FAM135B: variants seen among roughly 807,000 people sequenced by gnomAD.
FAM135B encodes family with sequence similarity 135 member B.
FAM135B carries 43 observed loss-of-function variants against 127.7 expected under a neutral mutation model. The observed-to-expected ratio is 0.34, with a 90% CI of 0.26 to 0.43. The LOEUF is 0.43. Among genes scored for constraint, FAM135B ranks in the 20% least tolerant of loss-of-function variants. The pLI is 1.00. For missense variants in FAM135B, 1,558 were observed against 1,725.6 expected, an observed-to-expected ratio of 0.90 and a Z score of 1.72; for synonymous variants, 670 against 665.1, an observed-to-expected ratio of 1.01 and a Z score of -0.11.
At chr8:138,319,385 G>T (rs1393278193) in intron 2 of FAM135B, among the ~76,000 whole-genome samples, 1 of 152,134 alleles carries the variant, frequency 6.6e-6, no homozygotes, top group Non-Finnish European at 1.5e-5. Context: ...AGGATTACAG[G>T]CGAGAGCCAC....
intron 1 of FAM135B, chr8:138,450,573 T>C (rs911071490): frequency 1.3e-5 from 2 of 152,232 alleles, no homozygotes; most frequent in South Asian, 4.1e-4. Flanking sequence ...CATTGCTGTT[T>C]TCATTTACAT....
rs140743471 is a variant in FAM135B at position 138,458,857 on chromosome 8, T to C, written c.-20+37814A>G. ...GAAGTTACGCTGAATTCAGAGGGAG[T>C]AGCAAATGATAATTTTCCAGCAGCA... is the stretch of plus-strand genomic sequence containing the variant. On this transcript the variant is annotated intron_variant, in intron 1 of 19. Transcript: ENST00000395297. Among the ~76,000 whole-genome samples the C allele has an allele frequency of 7.7e-4, 117 of 151,972 alleles. 1 individual carries two copies. The highest frequency in any genetic ancestry group is 6.8e-3 in the Middle Eastern group (2 of 294).
At chr8:138,334,224 C>A (rs1828387953) in intron 2 of FAM135B, among the ~76,000 whole-genome samples, 1 of 152,074 alleles carries the variant, frequency 6.6e-6, no homozygotes, top group African/African-American at 2.4e-5. Context: ...TGTCCGGCCC[C>A]ATCTCTCTCT....
intron 1 of FAM135B, among the ~76,000 whole-genome samples, chr8:138,460,658 A>G (rs1419423805): frequency 1.3e-5 from 2 of 152,126 alleles, no homozygotes; most frequent in Non-Finnish European, 2.9e-5. Context: ...AGGTGACTCC[A>G]TTTTGACTAA....
chr8:138,373,172 CTT>C (rs1831252351), intron 1 of FAM135B, among the ~76,000 whole-genome samples: 1 of 152,130 alleles, frequency 6.6e-6, no homozygotes, highest in Non-Finnish European at 1.5e-5. Context: ...CACTTCATCT[CTT>C]TGAGTCCATG....
chr8:138,184,892 AC>A (rs1307255282), intron 9 of FAM135B, among the ~76,000 whole-genome samples: 1 of 152,238 alleles, frequency 6.6e-6, no homozygotes. Flanking sequence ...ATCAGAATGC[AC>A]ATTTTAACAA....
intron 1 of FAM135B, chr8:138,450,428 C>T (rs1273320782): frequency 6.6e-6 from 1 of 152,186 alleles, no homozygotes; most frequent in Admixed American, 6.5e-5. Context: ...GCCAAACTGC[C>T]TTCCACAGGG....
chr8:138,199,674 G>T (rs1488433666), intron 7 of FAM135B, among the ~76,000 whole-genome samples: 6 of 152,178 alleles, frequency 3.9e-5, no homozygotes, highest in Non-Finnish European at 8.8e-5. Context: ...CATAGCTGGG[G>T]AGGCCTCAGG....
intron 7 of FAM135B, among the ~76,000 whole-genome samples, chr8:138,222,678 G>GTTTTTTTTTTT (rs33913656): frequency 9.6e-6 from 1 of 104,052 alleles, no homozygotes; most frequent in Non-Finnish European, 1.9e-5. Context: ...TGTTGGTGGT[G>GTTTTTTTTTTT]TTTTTTTTTT....
chr8:138,475,830 C>T (rs1814397352), intron 1 of FAM135B, among the ~76,000 whole-genome samples: 1 of 152,130 alleles, frequency 6.6e-6, no homozygotes, highest in South Asian at 2.1e-4. Flanking sequence ...TAAACATACT[C>T]CTACCTTACA....
At chr8:138,250,747 T>C in intron 6 of FAM135B, 94 bp downstream of exon 6, 1 of 1,370,924 alleles carries the variant, frequency 7.3e-7, no homozygotes, top group South Asian at 1.3e-5. Context: ...CTCCCTTGCG[T>C]GTGCTGATCT....
intron 1 of FAM135B, among the ~76,000 whole-genome samples, chr8:138,485,706 C>A (rs1040969808): frequency 7.2e-5 from 11 of 152,048 alleles, no homozygotes; most frequent in African/African-American, 2.7e-4. Context: ...AATTCCACAC[C>A]ATGAAACCCA....
chr8:138,141,467 T>A lies in FAM135B; in HGVS notation c.3639-118A>T. Reference sequence around the variant, plus strand: ...CACCTCCCACTGAATGTAGGGGAACTGGCAAAGAGAACAGGGACTGCCAAC... The same window carrying A: ...CACCTCCCACTGAATGTAGGGGAACAGGCAAAGAGAACAGGGACTGCCAAC... On this transcript the variant is annotated intron_variant, in intron 16 of 19. Transcript: ENST00000395297. The surrounding 1 kb of genome is among the most constrained non-coding windows in gnomAD (Gnocchi z 4.7). 1 of 1,052,756 alleles carries A rather than the reference T, an allele frequency of 9.5e-7. No individual in the cohort carries two copies. The highest frequency in any genetic ancestry group is 1.4e-6 in the Non-Finnish European group (1 of 701,284). The allele number at this position is 1,052,756 out of a possible 1,614,324, so 65.2% of individuals were successfully genotyped here.
intron 2 of FAM135B, among the ~76,000 whole-genome samples, chr8:138,347,440 G>A (rs925473894): frequency 3.9e-5 from 6 of 152,134 alleles, no homozygotes; most frequent in Admixed American, 1.3e-4. Flanking sequence ...CTATGACACT[G>A]AGGCTTAAAA....
chr8:138,130,455 T>C lies in FAM135B; in HGVS notation c.*2138A>G, dbSNP rs2130458049. On this transcript the variant is annotated 3_prime_UTR_variant, in exon 20 of 20. Transcript: ENST00000395297. ...TTTATTGCCATTAGTTCTCACTATG[T>C]CCAGACAGCATATTGAAGTTAAAAA... is the stretch of plus-strand genomic sequence containing the variant. 1 of 152,224 alleles carries C rather than the reference T, an allele frequency of 6.6e-6. No individual in the cohort carries two copies. The highest frequency in any genetic ancestry group is 3.4e-3 in the Middle Eastern group (1 of 294). The allele number at this position is 152,224 out of a possible 1,614,324, so 9.4% of individuals were successfully genotyped here. A position where few individuals can be genotyped will look rare whatever the true frequency, so the allele number is the denominator to read the frequency against.
intron 3 of FAM135B, among the ~76,000 whole-genome samples, chr8:138,273,138 C>T (rs894314688): frequency 1.3e-5 from 2 of 152,132 alleles, no homozygotes; most frequent in Non-Finnish European, 2.9e-5. Context: ...ACAAATTATC[C>T]AGCATAGAAT....
chr8:138,154,822 G>A (rs7831290), intron 12 of FAM135B, among the ~76,000 whole-genome samples: 105,438 of 151,918 alleles, frequency 0.69, 36,619 homozygotes, highest in East Asian at 0.77. Context: ...CATCTAATTC[G>A]TGTACCTGAA....
At chr8:138,181,988 G>T (rs1235809130) in intron 9 of FAM135B, among the ~76,000 whole-genome samples, 6 of 152,074 alleles carry the variant, frequency 3.9e-5, no homozygotes, top group Admixed American at 3.9e-4. Context: ...TTTACAAAAT[G>T]AATAGGTGGC....
chr8:138,230,789 A>G (rs1819847724), intron 7 of FAM135B, among the ~76,000 whole-genome samples: 1 of 152,146 alleles, frequency 6.6e-6, no homozygotes, highest in East Asian at 1.9e-4. Flanking sequence ...AAGGGTTGAT[A>G]ACAGTCTTAA....
Sources: allele counts gnomAD v4.1 joint callset (sites outside exome capture counted in the v4.1 genomes callset), GRCh38; gene constraint gnomAD v4.1.1; non-coding constraint Gnocchi (gnomAD v3.1); transcripts MANE v1.5; gene names NCBI Gene and HGNC (gene_info 2026-07-23, HGNC 2026-07-21).